The following ENOX2 variants were observed in gnomAD, a reference collection of about 807,000 sequenced individuals.
The protein encoded by ENOX2 is ecto-NOX disulfide-thiol exchanger 2.
ENOX2 carries 36 observed loss-of-function variants against 45.0 expected under a neutral mutation model. The ratio of observed to expected loss-of-function variants is 0.80; its 90% CI spans 0.61 to 1.06. The LOEUF (loss-of-function observed/expected upper bound fraction) is 1.06, where lower values mean the gene tolerates loss of function less well. ENOX2 is among the 50% of genes least tolerant of loss of function. ENOX2 has a pLI of 0.00. For missense variants in ENOX2, 423 were observed against 462.5 expected (o/e 0.91, Z 0.78); for synonymous variants, 174 against 152.3 (o/e 1.14, Z -1.05).
intron 2 of ENOX2, among the ~76,000 whole-genome samples, chrX:130,825,080 C>T (rs927022827): frequency 4.5e-5 from 5 of 110,366 alleles, no homozygotes; most frequent in African/African-American, 6.6e-5. Context: ...GAATGCTTTT[C>T]GTAATAGTAA....
intron 3 of ENOX2, among the ~76,000 whole-genome samples, chrX:130,778,681 T>A (rs1311947475): frequency 3.6e-5 from 4 of 112,475 alleles, no homozygotes; most frequent in Non-Finnish European, 3.8e-5. Flanking sequence ...TCTGGAGATC[T>A]TGAACTTTTG....
At chrX:130,751,215 C>G (rs1472843823) in intron 3 of ENOX2, among the ~76,000 whole-genome samples, 1 of 111,823 alleles carries the variant, frequency 8.9e-6, no homozygotes, top group Non-Finnish European at 1.9e-5. Context: ...CTCCCTTCCC[C>G]TAGCCACCGG....
intron 6 of ENOX2, among the ~76,000 whole-genome samples, chrX:130,676,026 C>G (rs753894053): frequency 2.7e-5 from 3 of 111,908 alleles, no homozygotes; most frequent in South Asian, 7.5e-4. Context: ...CATAAGCAAG[C>G]CTTTCTAGGG....
At chrX:130,674,067 GTGTTC>G (rs2037064445) in intron 6 of ENOX2, among the ~76,000 whole-genome samples, 2 of 111,849 alleles carry the variant, frequency 1.8e-5, no homozygotes, top group African/African-American at 3.3e-5. Context: ...CAAATACCAT[GTGTTC>G]TCACTTATAA....
Position 130,729,619 on chromosome X carries a change from G to A in ENOX2, c.-38-26365C>T, listed in dbSNP as rs139588708. On this transcript the variant is annotated intron_variant, in intron 3 of 14. Coordinates refer to ENST00000394363, the MANE Select transcript of ENOX2 (RefSeq NM_006375.4). ...GTTAAATAGGAGATAATATGGAAAC[G>A]TAAATTTCAAGGTCTGATCATCAAC... Among the ~76,000 whole-genome samples, 7 of 111,967 alleles carry A rather than the reference G, an allele frequency of 6.3e-5. No individual in the cohort carries two copies. The East Asian group carries it at 1.7e-3, about 27-fold the overall frequency.
intron 3 of ENOX2, among the ~76,000 whole-genome samples, chrX:130,769,963 T>C (rs1238210796): frequency 1.8e-5 from 2 of 112,270 alleles, no homozygotes; most frequent in Non-Finnish European, 3.8e-5. Flanking sequence ...AGACGTTCCA[T>C]TTCCCTTTAT....
At chrX:130,822,399 G>A (rs1242310986) in intron 2 of ENOX2, among the ~76,000 whole-genome samples, 1 of 112,088 alleles carries the variant, frequency 8.9e-6, no homozygotes, top group Admixed American at 9.5e-5. Flanking sequence ...GACATGCCAG[G>A]CAGCAGCAAA....
chrX:130,836,016 C>T (rs923323346), intron 2 of ENOX2, among the ~76,000 whole-genome samples: 2 of 112,148 alleles, frequency 1.8e-5, no homozygotes, highest in African/African-American at 3.2e-5. Context: ...CATCAGCCAA[C>T]GAAAGACTTC....
Position 130,874,817 on chromosome X carries a change from C to T in ENOX2, c.-183+26867G>A, listed in dbSNP as rs2078663673. The stretch of plus-strand genomic sequence containing the variant: ...GTAGAGACATACACACAGCCACTCC[C>T]CGCCCACACAGACACTAACACCAAC... On this transcript the variant is annotated intron_variant, in intron 2 of 14. Coordinates refer to ENST00000394363, the MANE Select transcript of ENOX2 (RefSeq NM_006375.4). Among the ~76,000 whole-genome samples the T allele has an allele frequency of 2.7e-5, 3 of 111,266 alleles. No homozygotes were observed. In the Admixed American group the frequency reaches 2.9e-4, roughly 11 times the overall value.
At chrX:130,770,715 G>A (rs777323656) in intron 3 of ENOX2, among the ~76,000 whole-genome samples, 17 of 111,940 alleles carry the variant, frequency 1.5e-4, no homozygotes, top group Non-Finnish European at 3.8e-5. Context: ...TTCCTGACCT[G>A]TCAAATTGGC....
chrX:130,720,456 G>C lies in ENOX2; in HGVS notation c.-38-17202C>G, dbSNP rs59342457. ...GCACCTATGGAATGCAATGGGTCAGGGTTTTTACTCACCCTCTCGGCTGTA... is the reference window on the plus strand; with the variant it reads ...GCACCTATGGAATGCAATGGGTCAGCGTTTTTACTCACCCTCTCGGCTGTA... On this transcript the variant is annotated intron_variant, in intron 3 of 14. Coordinates refer to ENST00000394363, the MANE Select transcript of ENOX2 (RefSeq NM_006375.4). 4.8e-3 allele frequency among the ~76,000 whole-genome samples: 543 copies of C among 112,029 alleles called. 5 individuals are homozygous for C. Among genetic ancestry groups the C allele is most frequent in the African/African-American group, 0.017 (524 of 30,851 alleles).
At position 130,772,508 on chromosome X, in the gene ENOX2, G is replaced by C. The variant is rs758353820; in HGVS notation, c.-39+11039C>G. Reference sequence around the variant, plus strand: ...GGTATGTAGTTATGACTTGTTGCCTGCTCAGACTTTATGTCAAGCTCTGAA... The same window carrying C: ...GGTATGTAGTTATGACTTGTTGCCTCCTCAGACTTTATGTCAAGCTCTGAA... On this transcript the variant is annotated intron_variant, in intron 3 of 14. Transcript: ENST00000394363. Among the ~76,000 whole-genome samples the C allele has an allele frequency of 4.5e-5, 5 of 111,938 alleles. No homozygotes were observed. In the South Asian group the frequency reaches 1.9e-3, roughly 42 times the overall value.
chrX:130,666,313 C>T (rs772571162), intron 8 of ENOX2, among the ~76,000 whole-genome samples: 3 of 111,966 alleles, frequency 2.7e-5, no homozygotes, highest in East Asian at 5.6e-4. Context: ...AAGATAGACT[C>T]GTTGACTGGA....
intron 4 of ENOX2, among the ~76,000 whole-genome samples, chrX:130,689,836 G>C (rs950127280): frequency 6.3e-5 from 7 of 111,684 alleles, no homozygotes; most frequent in African/African-American, 2.3e-4. Flanking sequence ...ACCCAAACAA[G>C]TATTTTTTGT....
At chrX:130,727,717 T>G (rs1308426844) in intron 3 of ENOX2, among the ~76,000 whole-genome samples, 1 of 112,075 alleles carries the variant, frequency 8.9e-6, no homozygotes, top group African/African-American at 3.2e-5. Context: ...AATCACATCT[T>G]CTGTTTTCTC....
At chrX:130,767,413 C>T (rs1348519114) in intron 3 of ENOX2, among the ~76,000 whole-genome samples, 1 of 111,375 alleles carries the variant, frequency 9.0e-6, no homozygotes, top group Non-Finnish European at 1.9e-5. Flanking sequence ...GCTTCTGTCA[C>T]TGGAATATGG....
At chrX:130,845,690 C>G (rs770606688) in intron 2 of ENOX2, among the ~76,000 whole-genome samples, 1 of 112,116 alleles carries the variant, frequency 8.9e-6, no homozygotes, top group South Asian at 3.8e-4. Context: ...GTCTCGAACT[C>G]CCGACCTTAG....
chrX:130,655,058 A>C (rs182547487), intron 10 of ENOX2, among the ~76,000 whole-genome samples: 100 of 112,280 alleles, frequency 8.9e-4, no homozygotes, highest in Non-Finnish European at 1.3e-3. Flanking sequence ...GGTGTAAACA[A>C]TCATACAAGT....
At chrX:130,676,214 A>T (rs1466444501) in intron 6 of ENOX2, among the ~76,000 whole-genome samples, 1 of 111,951 alleles carries the variant, frequency 8.9e-6, no homozygotes, top group Non-Finnish European at 1.9e-5. Context: ...CTACAATGCT[A>T]TGGGGTGGGT....
Sources: allele counts gnomAD v4.1 joint callset (sites outside exome capture counted in the v4.1 genomes callset), GRCh38; gene constraint gnomAD v4.1.1; transcripts MANE v1.5; gene names NCBI Gene and HGNC (gene_info 2026-07-23, HGNC 2026-07-21).